The following MRPL27 variants were observed in gnomAD, a reference collection of about 807,000 sequenced individuals.
MRPL27 encodes the protein mitochondrial ribosomal protein L27, also known as large ribosomal subunit protein bL27m.
A neutral mutation model predicts 14.6 loss-of-function variants in MRPL27; 4 were observed. The ratio of observed to expected loss-of-function variants is 0.27; its 90% CI spans 0.14 to 0.63. The LOEUF (loss-of-function observed/expected upper bound fraction) is 0.63, where lower values mean the gene tolerates loss of function less well. Among genes scored for constraint, MRPL27 ranks in the 20% least tolerant of loss-of-function variants. The pLI is 0.85. For missense variants in MRPL27, 196 were observed against 192.8 expected, an observed-to-expected ratio of 1.02 and a Z score of -0.10; for synonymous variants, 82 against 75.5, an observed-to-expected ratio of 1.09 and a Z score of -0.45.
In MRPL27 at chr17:50,368,123, T is replaced by A. The variant is rs1913014713; in HGVS notation, c.416A>T (p.Glu139Val). The change falls in exon 4 of 4, where the codon GAG becomes GTG. Residue 139 changes from glutamate to valine, a missense_variant. Glu to Val is a moderately radical substitution (Grantham distance 121). Transcript: ENST00000225969. Reference protein sequence around the residue: ...TFVHVVPAKPEGTFKLVAML With the variant: ...TFVHVVPAKPVGTFKLVAML ...CATAGCTACCAGTTTGAAGGTGCCC[T>A]CAGGCTTGGCAGGAACCACGTGGAC... 4 of 1,614,060 alleles carry A rather than the reference T, an allele frequency of 2.5e-6. No individual in the cohort carries two copies. Among genetic ancestry groups the A allele is most frequent in the Non-Finnish European group, 3.4e-6 (4 of 1,180,022 alleles).
At chr17:50,369,077 C>T (rs753128140) in intron 3 of MRPL27, 8 of 565,892 alleles carry the variant, frequency 1.4e-5, no homozygotes, top group Non-Finnish European at 2.5e-5. Flanking sequence ...CTGCTACTTA[C>T]TCCTGTGTGG....
intron 3 of MRPL27, chr17:50,368,867 A>T: frequency 2.8e-6 from 2 of 702,462 alleles, no homozygotes; most frequent in Non-Finnish European, 5.2e-6. Context: ...TTCCAACGCC[A>T]CTTTTCAGAT....
chr17:50,371,885 ATCC>A (rs892785980), intron 1 of MRPL27, among the ~76,000 whole-genome samples: 1 of 152,042 alleles, frequency 6.6e-6, no homozygotes, highest in African/African-American at 2.4e-5. Context: ...CCTACTCCCC[ATCC>A]TCCTCCTCAA....
intron 3 of MRPL27, chr17:50,369,125 G>A (rs200387318): frequency 6.7e-5 from 32 of 476,734 alleles, no homozygotes; most frequent in East Asian, 6.8e-5. Flanking sequence ...CTATTTTTTC[G>A]TCTGTCAAAT....
intron 2 of MRPL27, 117 bp from the exon 3 acceptor site, chr17:50,370,216 C>A (rs1206264455): frequency 1.7e-6 from 2 of 1,192,846 alleles, no homozygotes; most frequent in South Asian, 1.5e-5. Flanking sequence ...AACTCCCAGA[C>A]AGTCCAACAC....
chr17:50,371,683 CCATGACACCAGAGA>C (rs1199879717), intron 1 of MRPL27, among the ~76,000 whole-genome samples: 1 of 152,140 alleles, frequency 6.6e-6, no homozygotes, highest in African/African-American at 2.4e-5. Flanking sequence ...TCTGACATTT[CCATGACACCAGAGA>C]CTAGCTGGGG....
chr17:50,370,434 G>A (rs1913095541), intron 2 of MRPL27, 21 bp downstream of exon 2: 1 of 1,613,998 alleles, frequency 6.2e-7, no homozygotes, highest in Non-Finnish European at 8.5e-7. Context: ...CTAGGAAGGG[G>A]AAGCCAAGGC....
chr17:50,369,717 C>A (rs1913069957), intron 3 of MRPL27: 1 of 397,954 alleles, frequency 2.5e-6, no homozygotes, highest in South Asian at 3.6e-5. Flanking sequence ...CCTCCAAGAA[C>A]TGAGGGTTAG....
chr17:50,373,057 A>T, intron 1 of MRPL27, 74 bp downstream of exon 1: 51 of 1,511,316 alleles, frequency 3.4e-5, no homozygotes, highest in Non-Finnish European at 4.5e-5. Flanking sequence ...GATCAGTGTC[A>T]CCTCCTTCCC....
intron 1 of MRPL27, among the ~76,000 whole-genome samples, chr17:50,371,758 G>A (rs565133254): frequency 3.9e-4 from 59 of 152,104 alleles, no homozygotes; most frequent in Non-Finnish European, 7.5e-4. Flanking sequence ...AAACATGCCC[G>A]GCGCCAGGAT....
At chr17:50,368,799 G>A (rs962747574) in intron 3 of MRPL27, 7 of 699,418 alleles carry the variant, frequency 1.0e-5, no homozygotes, top group African/African-American at 3.5e-5. Flanking sequence ...TAATACCCAT[G>A]TAAGCCCTTT....
intron 1 of MRPL27, 51 bp downstream of exon 1, chr17:50,373,080 C>T: frequency 6.2e-7 from 1 of 1,612,108 alleles, no homozygotes; most frequent in Non-Finnish European, 8.5e-7. Context: ...CCTGCTGGAG[C>T]TCCACTCTGC....
chr17:50,371,474 T>A (rs542747660), intron 1 of MRPL27, among the ~76,000 whole-genome samples: 1 of 152,188 alleles, frequency 6.6e-6, no homozygotes, highest in Admixed American at 6.5e-5. Flanking sequence ...AAGTGCTCAA[T>A]AGCATTCATT....
At chr17:50,368,833 C>T (rs762460891) in intron 3 of MRPL27, 1 of 702,146 alleles carries the variant, frequency 1.4e-6, no homozygotes, top group South Asian at 1.5e-5. Context: ...TCATTTAATT[C>T]TCACCTAGTG....
At chr17:50,370,133 T>G (rs375754972) in intron 2 of MRPL27, 34 bp from the exon 3 acceptor site, 24 of 1,577,240 alleles carry the variant, frequency 1.5e-5, no homozygotes, top group Non-Finnish European at 1.9e-5. Flanking sequence ...TGGGGCAGCA[T>G]AGCAAACTAC....
rs780955765 is a variant in MRPL27, at chr17:50,370,592, G to A, written c.41-6C>T. On this transcript the variant is annotated splice_region_variant and splice_polypyrimidine_tract_variant and intron_variant, in intron 1 of 3. Transcript: ENST00000225969. ...GGGGCTTAGCAAGGATGTAACTGCAGAGAAAACAGAAACATTGTTCAGACA... is the reference window on the plus strand; with the variant it reads ...GGGGCTTAGCAAGGATGTAACTGCAAAGAAAACAGAAACATTGTTCAGACA... 4 of 1,613,938 alleles carry A rather than the reference G, an allele frequency of 2.5e-6. No individual in the cohort carries two copies. Among genetic ancestry groups the A allele is most frequent in the South Asian group, 2.2e-5 (2 of 91,072 alleles).
chr17:50,373,055 T>C, intron 1 of MRPL27, 76 bp downstream of exon 1: 8 of 1,597,590 alleles, frequency 5.0e-6, no homozygotes, highest in Non-Finnish European at 6.8e-6. Flanking sequence ...GGGATCAGTG[T>C]CACCTCCTTC....
Position 50,368,073 on chromosome 17 carries a change from C to A in MRPL27, c.*19G>T. 1 of 1,613,536 alleles carries A rather than the reference C, an allele frequency of 6.2e-7. No individual in the cohort carries two copies. The highest frequency in any genetic ancestry group is 8.5e-7 in the Non-Finnish European group (1 of 1,179,552). ...TGTCACCTGGGCTCCAGTCTCTGTC[C>A]GATGGCCTCAACAGGACATCAAAGC... On this transcript the variant is annotated 3_prime_UTR_variant, in exon 4 of 4. Coordinates refer to ENST00000225969, the MANE Select transcript of MRPL27 (RefSeq NM_016504.3).
chr17:50,370,671 CG>C, intron 1 of MRPL27, 85 bp from the exon 2 acceptor site: 2 of 1,516,160 alleles, frequency 1.3e-6, no homozygotes, highest in Non-Finnish European at 1.8e-6. Flanking sequence ...ACGTGAGAGG[CG>C]GTGGGGAGAT....
Sources: allele counts gnomAD v4.1 joint callset (sites outside exome capture counted in the v4.1 genomes callset), GRCh38; gene constraint gnomAD v4.1.1; transcripts MANE v1.5; gene names NCBI Gene and HGNC (gene_info 2026-07-23, HGNC 2026-07-21).